Variants in PPP2R3B observed in about 807,000 individuals in gnomAD.
PPP2R3B encodes serine/threonine-protein phosphatase 2A regulatory subunit B'' subunit beta.
Under a neutral mutation model 72.9 loss-of-function variants are expected in PPP2R3B, and 68 were observed. The observed-to-expected ratio is 0.93, with a 90% CI of 0.77 to 1.14. The LOEUF (loss-of-function observed/expected upper bound fraction) is 1.14, where lower values mean the gene tolerates loss of function less well. PPP2R3B is among the 50% of genes most tolerant of loss of function. PPP2R3B has a pLI of 0.00. For missense variants in PPP2R3B, 1,018 were observed against 842.0 expected (o/e 1.21, Z -2.59); for synonymous variants, 466 against 375.8 (o/e 1.24, Z -2.78).
At chrX:354,078 G>A (rs1333047701) in intron 2 of PPP2R3B, among the ~76,000 whole-genome samples, 8 of 125,740 alleles carry the variant, frequency 6.4e-5, no homozygotes, top group African/African-American at 2.4e-4. Context: ...CCCAAAGACC[G>A]GGGCTCACCC....
intron 1 of PPP2R3B, among the ~76,000 whole-genome samples, chrX:379,197 G>GCGTGTGTATGCA (rs2072067146): frequency 6.6e-6 from 1 of 151,290 alleles, no homozygotes; most frequent in African/African-American, 2.4e-5. Flanking sequence ...ATGTGTGTAT[G>GCGTGTGTATGCA]CGTGTGTATG....
At chrX:358,032 A>G (rs2071470013) in intron 2 of PPP2R3B, among the ~76,000 whole-genome samples, 1 of 152,188 alleles carries the variant, frequency 6.6e-6, no homozygotes, top group African/African-American at 2.4e-5. Flanking sequence ...GCCGCCGGCC[A>G]AAGTCCACCC....
intron 2 of PPP2R3B, among the ~76,000 whole-genome samples, chrX:358,148 G>A (rs2071472497): frequency 6.6e-6 from 1 of 152,200 alleles, no homozygotes; most frequent in African/African-American, 2.4e-5. Context: ...TTCGTCCCCT[G>A]GGCCGGGGGC....
At position 341,907 on chromosome X, in the gene PPP2R3B, C is replaced by T. The variant is rs1235570567; in HGVS notation, c.1061G>A (p.Arg354Lys). The change falls in exon 8 of 13, where the codon AGG becomes AAG. Residue 354 changes from arginine to lysine, a missense_variant. Physicochemically the swap from Arg to Lys is conservative, Grantham distance 26. Coordinates refer to ENST00000390665, the MANE Select transcript of PPP2R3B (RefSeq NM_013239.5). Reference sequence around the variant, plus strand: ...CCGTGTGACTGCTCCTGAGAAGATCCTGTCTATCATCTTGGTAGAAAGGGC... The same window carrying T: ...CCGTGTGACTGCTCCTGAGAAGATCTTGTCTATCATCTTGGTAGAAAGGGC... Reference protein sequence around the residue: ...DHALSTKMIDRIFSGAVTRGR... With the variant: ...DHALSTKMIDKIFSGAVTRGR... 6.2e-7 allele frequency: 1 copy of T among 1,612,730 alleles called. No homozygotes were observed.
At position 386,491 on chromosome X, in the gene PPP2R3B, C is replaced by A; in HGVS notation, c.201G>T (p.Arg67=). Reference sequence around the variant, plus strand: ...TTCCCGGGGGTTCGAGCCCGCTGGGCCGGGGGGCGGCGAGCGGGGCTGTGG... The same window carrying A: ...TTCCCGGGGGTTCGAGCCCGCTGGGACGGGGGGCGGCGAGCGGGGCTGTGG... The part of the protein sequence containing the change: ...AWPTAPLAAP[R]PSGLEPPGTP... The change falls in exon 1 of 13, where the codon CGG becomes CGT. Residue 67 remains arginine (R), a synonymous_variant. Transcript: ENST00000390665. 7.8e-7 allele frequency: 1 copy of A among 1,288,236 alleles called. No homozygotes were observed. Among genetic ancestry groups the A allele is most frequent in the Non-Finnish European group, 9.8e-7 (1 of 1,016,504 alleles). The allele number at this position is 1,288,236 out of a possible 1,614,324, so 79.8% of individuals were successfully genotyped here.
intron 2 of PPP2R3B, among the ~76,000 whole-genome samples, chrX:361,029 G>A (rs1332328045): frequency 1.3e-5 from 2 of 152,224 alleles, no homozygotes; most frequent in Non-Finnish European, 2.9e-5. Flanking sequence ...AAAGGGGCAA[G>A]GCCAGGAGGG....
chrX:344,553 A>T (rs990281475), intron 7 of PPP2R3B, among the ~76,000 whole-genome samples: 6 of 152,228 alleles, frequency 3.9e-5, no homozygotes, highest in African/African-American at 1.4e-4. Context: ...AGGAACGCGG[A>T]AAGCTGGGGC....
intron 8 of PPP2R3B, 154 bp from the exon 9 acceptor site, chrX:341,550 G>A (rs2071077374): frequency 9.1e-6 from 7 of 772,108 alleles, no homozygotes; most frequent in Non-Finnish European, 1.5e-5. Context: ...TCTCCGGGGA[G>A]GAGGTGGAGG....
intron 1 of PPP2R3B, among the ~76,000 whole-genome samples, chrX:375,816 AGGTGACACACGCCCTGTCCTGCCACGGCG>A (rs2071980105): frequency 6.6e-6 from 1 of 151,430 alleles, no homozygotes; most frequent in Admixed American, 6.6e-5. Flanking sequence ...CTGCCACGCC[AGGTGACACACGCCCTGTCCTGCCACGGCG>A]GGTGACACAC....
chrX:338,910 AGTGC>A lies in PPP2R3B; in HGVS notation c.1352-18_1352-15del. The A allele has an allele frequency of 6.8e-6, 11 of 1,608,118 alleles. No homozygotes were observed. Among genetic ancestry groups the A allele is most frequent in the Non-Finnish European group, 9.4e-6 (11 of 1,176,148 alleles). ...GCGTGATCTTCCCTGCGGGGAGGGG[AGTGC>A]GTCCAAGGCGCGTGAGCCCGGTCTC... On this transcript the variant is annotated splice_polypyrimidine_tract_variant and intron_variant, in intron 10 of 12. Coordinates refer to ENST00000390665, the MANE Select transcript of PPP2R3B (RefSeq NM_013239.5).
chrX:339,206 C>G (rs1012293830), intron 10 of PPP2R3B, among the ~76,000 whole-genome samples: 2 of 150,524 alleles, frequency 1.3e-5, no homozygotes, highest in African/African-American at 4.9e-5. Flanking sequence ...GAGAACGGAG[C>G]TCCCCGTGCA....
intron 1 of PPP2R3B, among the ~76,000 whole-genome samples, chrX:367,282 G>C (rs1016741628): frequency 6.6e-6 from 1 of 151,636 alleles, no homozygotes; most frequent in Non-Finnish European, 1.5e-5. Context: ...ACATAAATCA[G>C]TGAAAACAAC....
At chrX:355,622 G>T (rs1315416700) in intron 2 of PPP2R3B, among the ~76,000 whole-genome samples, 9 of 152,158 alleles carry the variant, frequency 5.9e-5, no homozygotes, top group Non-Finnish European at 1.5e-5. Context: ...CACGCACATG[G>T]AACACCGTGC....
At chrX:341,495 C>CCCCG (rs996069149) in intron 8 of PPP2R3B, 99 bp from the exon 9 acceptor site, 302 of 1,300,186 alleles carry the variant, frequency 2.3e-4, no homozygotes, top group Non-Finnish European at 3.0e-4. Flanking sequence ...GGGAGCCCCC[C>CCCCG]GGGCCCGGCC....
chrX:368,286 C>T (rs1402264343), intron 1 of PPP2R3B, among the ~76,000 whole-genome samples: 2 of 142,198 alleles, frequency 1.4e-5, no homozygotes, highest in Admixed American at 1.4e-4. Flanking sequence ...GGACCACCCA[C>T]CTTGGGCACC....
Position 386,731 on chromosome X carries a change from C to T in PPP2R3B, c.-40G>A. ...CCGCGGCGCCCCCGGACGCCCGCGCCCCGCCCCGCCCCGGGGGCTTCGGTC... is the reference window on the plus strand; with the variant it reads ...CCGCGGCGCCCCCGGACGCCCGCGCTCCGCCCCGCCCCGGGGGCTTCGGTC... On this transcript the variant is annotated 5_prime_UTR_variant, in exon 1 of 13. Transcript: ENST00000390665. 7.6e-6 allele frequency: 9 copies of T among 1,188,280 alleles called. No homozygotes were observed. Among genetic ancestry groups the T allele is most frequent in the Non-Finnish European group, 8.3e-6 (8 of 959,628 alleles). 73.6% of individuals were successfully genotyped at this position (1,188,280 alleles called of 1,614,324 possible).
chrX:347,571 T>G lies in PPP2R3B; in HGVS notation c.614+19A>C. On this transcript the variant is annotated intron_variant, in intron 3 of 12. Transcript: ENST00000390665. ...CCTCCGCCCTCCCGACACAGCCCCC[T>G]GCCCAGCCCAGGACTCACTTTCTCC... 1 of 1,561,198 alleles carries G rather than the reference T, an allele frequency of 6.4e-7. No homozygotes were observed.
In PPP2R3B at chrX:386,522, GC is replaced by G; in HGVS notation, c.169del (p.Ala57ProfsTer52). 1.4e-6 allele frequency: 2 copies of G among 1,410,692 alleles called. No homozygotes were observed. The highest frequency in any genetic ancestry group is 3.2e-5 in the East Asian group (1 of 31,688). 87.4% of individuals were successfully genotyped at this position (1,410,692 alleles called of 1,614,324 possible). ...PTPGDGEQPG[A>X]WPTAPLAAPR... The stretch of plus-strand genomic sequence containing the variant: ...GGCGGCGAGCGGGGCTGTGGGCCAG[GC>G]CCCGGGCTGCTCCCCGTCCCCCGGG... On this transcript the variant is annotated frameshift_variant, in exon 1 of 13. Coordinates refer to ENST00000390665, the MANE Select transcript of PPP2R3B (RefSeq NM_013239.5). LOFTEE classifies it high-confidence loss of function.
In PPP2R3B at chrX:386,557, G is replaced by C; in HGVS notation, c.135C>G (p.Asp45Glu). The C allele has an allele frequency of 7.0e-7, 1 of 1,437,058 alleles. No individual in the cohort carries two copies. Among genetic ancestry groups the C allele is most frequent in the Non-Finnish European group, 9.1e-7 (1 of 1,093,546 alleles). 89.0% of individuals were successfully genotyped at this position (1,437,058 alleles called of 1,614,324 possible). The change falls in exon 1 of 13, where the codon GAC becomes GAG. Residue 45 changes from aspartate to glutamate, a missense_variant. Coordinates refer to ENST00000390665, the MANE Select transcript of PPP2R3B (RefSeq NM_013239.5). ...CLRRIKAPGR[D>E]QPTPGDGEQP... ...GCTCCCCGTCCCCCGGGGTCGGCTG[G>C]TCCCGCCCGGGCGCCTTGATCCGGC...
Sources: gnomAD v4.1 joint callset for allele counts (sites outside exome capture counted in the v4.1 genomes callset) on GRCh38, gnomAD v4.1.1 for gene constraint, MANE v1.5 for transcripts, NCBI Gene and HGNC (gene_info 2026-07-23, HGNC 2026-07-21) for gene names.